Variants in PCDH11X observed in about 807,000 individuals in gnomAD.
PCDH11X encodes protocadherin-11 X-linked.
In PCDH11X, 18 loss-of-function variants were observed where a neutral mutation model predicts 53.3. That is an observed-to-expected ratio of 0.34 (90% CI 0.23 to 0.50). PCDH11X has a LOEUF of 0.50. Among genes scored for constraint, PCDH11X ranks in the 20% least tolerant of loss-of-function variants. The pLI, the probability that PCDH11X is intolerant of heterozygous loss-of-function variation, is 0.98. For missense variants in PCDH11X, 570 were observed against 1,032.4 expected (o/e 0.55, Z 6.14); for synonymous variants, 279 against 393.3 (o/e 0.71, Z 3.44).
rs752954154 is a variant in PCDH11X at position 91,799,544 on chromosome X, C to T, written c.-378-9922C>T. ...TGATTTACTATGAATTTCTGCAAAA[C>T]TACTGAGTTTCCTGGTTGTGAAATA... On this transcript the variant is annotated intron_variant, in intron 1 of 10. Transcript: ENST00000682573. Among the ~76,000 whole-genome samples the T allele has an allele frequency of 2.7e-5, 3 of 111,927 alleles. No individual in the cohort carries two copies. The South Asian group carries it at 1.1e-3, about 41-fold the overall frequency.
intron 6 of PCDH11X, among the ~76,000 whole-genome samples, chrX:91,913,623 C>T (rs1469010316): frequency 9.0e-6 from 1 of 111,696 alleles, no homozygotes; most frequent in Non-Finnish European, 1.9e-5. Flanking sequence ...TTCGTAACTA[C>T]CCTGATAGCT....
At chrX:92,078,838 A>G (rs1171351604) in intron 6 of PCDH11X, among the ~76,000 whole-genome samples, 2 of 110,843 alleles carry the variant, frequency 1.8e-5, no homozygotes, top group Non-Finnish European at 3.8e-5. Flanking sequence ...TAGGTGTTTC[A>G]TGATTTGGTA....
chrX:92,332,074 T>C (rs1004732616), intron 8 of PCDH11X, among the ~76,000 whole-genome samples: 82 of 111,702 alleles, frequency 7.3e-4, no homozygotes, highest in African/African-American at 2.7e-3. Flanking sequence ...TTGAAGTCTG[T>C]AATTATAAAC....
At chrX:92,082,987 G>A (rs1350253861) in intron 6 of PCDH11X, among the ~76,000 whole-genome samples, 2 of 111,591 alleles carry the variant, frequency 1.8e-5, no homozygotes, top group East Asian at 5.6e-4. Flanking sequence ...AAACTTTGAT[G>A]TGTGATGAAT....
intron 6 of PCDH11X, among the ~76,000 whole-genome samples, chrX:92,167,778 A>G (rs1224607566): frequency 4.5e-5 from 5 of 111,493 alleles, no homozygotes; most frequent in Non-Finnish European, 9.4e-5. Context: ...TGATGTCACT[A>G]TGATTGATCA....
intron 8 of PCDH11X, among the ~76,000 whole-genome samples, chrX:92,304,156 A>C (rs773260457): frequency 2.8e-5 from 3 of 106,421 alleles, no homozygotes; most frequent in African/African-American, 1.0e-4. Flanking sequence ...CAGATACCTG[A>C]AAAATTCTTC....
intron 7 of PCDH11X, among the ~76,000 whole-genome samples, chrX:92,259,253 C>G (rs2067662682): frequency 9.0e-6 from 1 of 111,197 alleles, no homozygotes; most frequent in Admixed American, 9.6e-5. Flanking sequence ...TACCAATTTT[C>G]TGCGTGAGTC....
chrX:91,931,998 G>A (rs1414583636), intron 6 of PCDH11X, among the ~76,000 whole-genome samples: 1 of 110,360 alleles, frequency 9.1e-6, no homozygotes, highest in East Asian at 2.9e-4. Flanking sequence ...GCCCTCAAGA[G>A]GCCTCAGTGT....
In PCDH11X at chrX:92,182,147, A is replaced by G. The variant is rs566685913; in HGVS notation, c.3034-19228A>G. On this transcript the variant is annotated intron_variant, in intron 6 of 10. Transcript: ENST00000682573. ...ACCATGGGAACCCACTTCTTGCATC[A>G]GTGTGAGCTGGATGTGAGACAGGGA... Among the ~76,000 whole-genome samples the G allele has an allele frequency of 2.7e-5, 3 of 112,432 alleles. No homozygotes were observed. The Admixed American group carries it at 2.8e-4, about 11-fold the overall frequency.
At chrX:92,488,817 T>C (rs2073699877) in intron 10 of PCDH11X, among the ~76,000 whole-genome samples, 1 of 86,250 alleles carries the variant, frequency 1.2e-5, no homozygotes. Flanking sequence ...AGCCATGATA[T>C]TTGGGTTCCT....
chrX:92,031,749 C>T (rs1281028153), intron 6 of PCDH11X, among the ~76,000 whole-genome samples: 1 of 111,108 alleles, frequency 9.0e-6, no homozygotes, highest in Non-Finnish European at 1.9e-5. Flanking sequence ...TGTCTTTGCC[C>T]CAGAGTATGT....
At chrX:92,048,220 G>T in intron 6 of PCDH11X, among the ~76,000 whole-genome samples, 1 of 91,447 alleles carries the variant, frequency 1.1e-5, no homozygotes, top group Admixed American at 1.3e-4. Context: ...ATTACCTATT[G>T]ATATAAAGCT....
chrX:92,236,536 A>C (rs1227602149), intron 7 of PCDH11X, among the ~76,000 whole-genome samples: 6 of 111,102 alleles, frequency 5.4e-5, no homozygotes, highest in Non-Finnish European at 5.7e-5. Context: ...GCTCCACAAG[A>C]ATTAGGTAAT....
At chrX:91,916,507 G>A (rs1268596521) in intron 6 of PCDH11X, among the ~76,000 whole-genome samples, 3 of 111,230 alleles carry the variant, frequency 2.7e-5, no homozygotes, top group African/African-American at 9.8e-5. Flanking sequence ...CCAATACACA[G>A]AAATACAAAA....
intron 6 of PCDH11X, among the ~76,000 whole-genome samples, chrX:92,121,981 G>GTTT (rs746833949): frequency 2.4e-4 from 17 of 69,441 alleles, no homozygotes; most frequent in African/African-American, 8.7e-4. Context: ...AGTCATTTCT[G>GTTT]TTTTTTTTTT....
intron 7 of PCDH11X, among the ~76,000 whole-genome samples, chrX:92,232,123 T>A (rs189343711): frequency 8.9e-6 from 1 of 112,318 alleles, no homozygotes; most frequent in Non-Finnish European, 1.9e-5. Context: ...CAGCCATTAT[T>A]ATTGCGTTAA....
At chrX:92,298,193 G>A in intron 8 of PCDH11X, among the ~76,000 whole-genome samples, 1 of 111,426 alleles carries the variant, frequency 9.0e-6, no homozygotes, top group East Asian at 2.8e-4. Context: ...TTGAATAGCA[G>A]TGGTGAGAGA....
At chrX:92,267,928 C>T (rs996353954) in intron 8 of PCDH11X, among the ~76,000 whole-genome samples, 13 of 111,570 alleles carry the variant, frequency 1.2e-4, no homozygotes, top group African/African-American at 4.2e-4. Flanking sequence ...CTACTAATCC[C>T]GTCATGGGGT....
At chrX:92,193,815 A>C (rs912153357) in intron 6 of PCDH11X, among the ~76,000 whole-genome samples, 4 of 111,770 alleles carry the variant, frequency 3.6e-5, no homozygotes, top group Non-Finnish European at 7.5e-5. Flanking sequence ...CTGCTGAATA[A>C]TCAATTGATT....
Sources: gnomAD v4.1 joint callset for allele counts (sites outside exome capture counted in the v4.1 genomes callset) on GRCh38, gnomAD v4.1.1 for gene constraint, MANE v1.5 for transcripts, NCBI Gene and HGNC (gene_info 2026-07-23, HGNC 2026-07-21) for gene names.